The following KSR1 variants were observed in gnomAD, a reference collection of about 807,000 sequenced individuals.
The protein encoded by KSR1 is kinase suppressor of ras 1, also known as kinase suppressor of ras.
Under a neutral mutation model 92.9 loss-of-function variants are expected in KSR1, and 35 were observed. The ratio of observed to expected loss-of-function variants is 0.38; its 90% CI spans 0.29 to 0.50. The LOEUF is 0.50. KSR1 is among the 20% of genes least tolerant of loss of function. KSR1 has a pLI of 0.94. For synonymous variants in KSR1, 467 were observed against 472.6 expected (o/e 0.99, Z 0.15); for missense variants, 972 against 1,158.5 (o/e 0.84, Z 2.34).
At position 27,559,951 on chromosome 17, in the gene KSR1, C is replaced by G. The variant is rs1157500757; in HGVS notation, c.372+9243C>G. 6.6e-6 allele frequency among the ~76,000 whole-genome samples: 1 copy of G among 152,154 alleles called. No individual in the cohort carries two copies. On this transcript the variant is annotated intron_variant, in intron 2 of 20. Coordinates refer to ENST00000644974, the MANE Select transcript of KSR1 (RefSeq NM_001394583.1). The surrounding 1 kb of genome is among the most constrained non-coding windows in gnomAD (Gnocchi z 4.2). ...ATTGGAAGTGTGTGTGAGAGAGGGG[C>G]AGGAATTCCAAATGAACATTAGAAT... is the stretch of plus-strand genomic sequence containing the variant.
intron 14 of KSR1, 71 bp downstream of exon 14, chr17:27,605,884 G>A: frequency 1.3e-6 from 2 of 1,582,532 alleles, no homozygotes; most frequent in Non-Finnish European, 1.7e-6. Context: ...CCCTGTTTGT[G>A]TGGATGCCCT....
intron 1 of KSR1, among the ~76,000 whole-genome samples, chr17:27,523,981 G>A (rs551482002): frequency 6.6e-6 from 1 of 152,292 alleles, no homozygotes; most frequent in Non-Finnish European, 1.5e-5. Context: ...AAGGAGAGTG[G>A]AAAGTGGGAG....
At chr17:27,485,987 T>C (rs1056016623) in intron 1 of KSR1, among the ~76,000 whole-genome samples, 1 of 152,266 alleles carries the variant, frequency 6.6e-6, no homozygotes, top group Non-Finnish European at 1.5e-5. Flanking sequence ...TTCTAATTAG[T>C]CTTCGTGCTT....
Position 27,625,740 on chromosome 17 carries a change from C to A in KSR1, c.*2348C>A. 6.6e-6 allele frequency: 1 copy of A among 152,362 alleles called. No individual in the cohort carries two copies. The allele number at this position is 152,362 out of a possible 1,614,324, so 9.4% of individuals were successfully genotyped here. Reference sequence around the variant, plus strand: ...GATACTGTGAATTCAGCCCTCACGGCCAACTGTGAAGGGGATGGAGAAGGC... The same window carrying A: ...GATACTGTGAATTCAGCCCTCACGGACAACTGTGAAGGGGATGGAGAAGGC... On this transcript the variant is annotated 3_prime_UTR_variant, in exon 21 of 21. Coordinates refer to ENST00000644974, the MANE Select transcript of KSR1 (RefSeq NM_001394583.1).
At chr17:27,593,052 C>T (rs2073221687) in intron 9 of KSR1, among the ~76,000 whole-genome samples, 1 of 152,242 alleles carries the variant, frequency 6.6e-6, no homozygotes, top group African/African-American at 2.4e-5. Flanking sequence ...CACAGTGCAG[C>T]AGATACACCT....
chr17:27,596,139 T>C (rs2073338414), intron 9 of KSR1, among the ~76,000 whole-genome samples: 1 of 152,210 alleles, frequency 6.6e-6, no homozygotes, highest in Admixed American at 6.5e-5. Context: ...TCCCTACAGA[T>C]AGAAAGTAAT....
chr17:27,536,910 C>G (rs994498440), intron 1 of KSR1, among the ~76,000 whole-genome samples: 3 of 152,186 alleles, frequency 2.0e-5, no homozygotes, highest in African/African-American at 7.2e-5. Context: ...GGAAATAGAC[C>G]TCTAGATTGG....
At chr17:27,525,136 G>A (rs978767157) in intron 1 of KSR1, among the ~76,000 whole-genome samples, 3 of 152,228 alleles carry the variant, frequency 2.0e-5, no homozygotes. Flanking sequence ...AACTGTGCCT[G>A]CTTGTTACTT....
chr17:27,567,030 G>C (rs147112031), intron 2 of KSR1, among the ~76,000 whole-genome samples: 42 of 152,292 alleles, frequency 2.8e-4, no homozygotes, highest in African/African-American at 9.9e-4. Context: ...CTGTTACTCA[G>C]GGCTTGCAGT....
At chr17:27,535,395 TA>T (rs1246955476) in intron 1 of KSR1, among the ~76,000 whole-genome samples, 3 of 152,176 alleles carry the variant, frequency 2.0e-5, no homozygotes, top group Non-Finnish European at 2.9e-5. Context: ...GTCATGTCAC[TA>T]GGAGTAATTC....
chr17:27,517,074 G>T (rs1219849766), intron 1 of KSR1, among the ~76,000 whole-genome samples: 1 of 152,224 alleles, frequency 6.6e-6, no homozygotes, highest in East Asian at 1.9e-4. Context: ...GCTGTCTCTT[G>T]TGGGAGAAAT....
intron 19 of KSR1, among the ~76,000 whole-genome samples, chr17:27,618,295 C>T (rs1431222898): frequency 6.6e-6 from 1 of 152,240 alleles, no homozygotes; most frequent in Non-Finnish European, 1.5e-5. Context: ...GTCGTCTCTC[C>T]TGCATTCTAT....
chr17:27,585,409 G>A (rs2072928678), intron 4 of KSR1, among the ~76,000 whole-genome samples: 1 of 152,080 alleles, frequency 6.6e-6, no homozygotes, highest in African/African-American at 2.4e-5. Flanking sequence ...GTATTAAAGT[G>A]CACAGCACTG....
At chr17:27,609,121 T>C (rs2073845650) in intron 15 of KSR1, 75 bp from the exon 16 acceptor site, 5 of 1,482,042 alleles carry the variant, frequency 3.4e-6, no homozygotes, top group African/African-American at 1.4e-5. Flanking sequence ...TATGGGGATT[T>C]AGGTAAATCA....
At chr17:27,526,300 C>A in intron 1 of KSR1, 1 of 931,022 alleles carries the variant, frequency 1.1e-6, no homozygotes. Flanking sequence ...CTAGTTGTCG[C>A]TCTGTTACAG....
At chr17:27,548,785 G>A (rs955529327) in intron 1 of KSR1, among the ~76,000 whole-genome samples, 3 of 151,678 alleles carry the variant, frequency 2.0e-5, no homozygotes, top group East Asian at 1.9e-4. Flanking sequence ...AGCCAAGATC[G>A]TGCCACTGCA....
chr17:27,602,966 C>T (rs1048083529), intron 11 of KSR1, among the ~76,000 whole-genome samples: 1 of 152,338 alleles, frequency 6.6e-6, no homozygotes, highest in Non-Finnish European at 1.5e-5. Flanking sequence ...TTTGGCTGAG[C>T]GGGGAGAGTC....
chr17:27,617,734 GC>G, intron 19 of KSR1: 1 of 337,284 alleles, frequency 3.0e-6, no homozygotes, highest in Non-Finnish European at 5.9e-6. Flanking sequence ...CATCATATTC[GC>G]CAGGCTGGTC....
intron 16 of KSR1, 32 bp from the exon 17 acceptor site, chr17:27,610,035 C>T (rs2073871463): frequency 6.2e-7 from 1 of 1,612,446 alleles, no homozygotes; most frequent in East Asian, 2.2e-5. Flanking sequence ...GCTGAAAGGC[C>T]TGTGTCCTTG....
Sources: allele counts gnomAD v4.1 joint callset (sites outside exome capture counted in the v4.1 genomes callset), GRCh38; gene constraint gnomAD v4.1.1; non-coding constraint Gnocchi (gnomAD v3.1); transcripts MANE v1.5; gene names NCBI Gene and HGNC (gene_info 2026-07-23, HGNC 2026-07-21).